Variants in BLNK observed in about 807,000 individuals in gnomAD.
BLNK encodes B-cell linker protein.
BLNK carries 29 observed loss-of-function variants against 73.5 expected under a neutral mutation model. That is an observed-to-expected ratio of 0.39 (90% CI 0.29 to 0.54). The LOEUF is 0.54. BLNK is among the 20% of genes least tolerant of loss of function. The pLI is 0.61. For synonymous variants in BLNK, 176 were observed against 200.8 expected (o/e 0.88, Z 1.04); for missense variants, 460 against 562.8 (o/e 0.82, Z 1.85).
Position 96,194,768 on chromosome 10 carries a change from A to ATT in BLNK, c.1251+2138_1251+2139dup, listed in dbSNP as rs71034364. Among the ~76,000 whole-genome samples, 474 of 110,270 alleles carry ATT rather than the reference A, an allele frequency of 4.3e-3. 11 individuals carry two copies. Among genetic ancestry groups the ATT allele is most frequent in the African/African-American group, 7.5e-3 (236 of 31,322 alleles). 72.3% of individuals were successfully genotyped at this position (110,270 alleles called of 152,430 possible). On this transcript the variant is annotated intron_variant, in intron 16 of 16. Coordinates refer to ENST00000224337, the MANE Select transcript of BLNK (RefSeq NM_013314.4). ...ATCACTAATCATCAGAGAAATGCAA[A>ATT]TTTTTTTTTTTTTTTTTTTTGAGAC...
chr10:96,233,091 C>T (rs1554904384), intron 3 of BLNK, among the ~76,000 whole-genome samples: 1 of 152,210 alleles, frequency 6.6e-6, no homozygotes, highest in Non-Finnish European at 1.5e-5. Context: ...CAGGCATAAG[C>T]CACTGCATCT....
At chr10:96,194,932 G>T (rs986655990) in intron 16 of BLNK, among the ~76,000 whole-genome samples, 4 of 151,074 alleles carry the variant, frequency 2.6e-5, no homozygotes, top group African/African-American at 9.7e-5. Context: ...CACCATGCCC[G>T]GCTAATTTTT....
At chr10:96,245,351 A>G (rs1167528823) in intron 2 of BLNK, among the ~76,000 whole-genome samples, 2 of 152,232 alleles carry the variant, frequency 1.3e-5, no homozygotes, top group African/African-American at 4.8e-5. Flanking sequence ...ATAGCAATTA[A>G]AACTTTAAGG....
chr10:96,227,634 C>T, intron 4 of BLNK, 68 bp from the exon 5 acceptor site: 2 of 1,608,028 alleles, frequency 1.2e-6, no homozygotes, highest in Non-Finnish European at 1.7e-6. Context: ...CAGGACCATT[C>T]CTGCCTTGGG....
chr10:96,221,261 C>G (rs781927880), intron 6 of BLNK, among the ~76,000 whole-genome samples: 2 of 152,186 alleles, frequency 1.3e-5, no homozygotes, highest in African/African-American at 2.4e-5. Context: ...AAGTGTTAGC[C>G]TCTCTCATTA....
intron 8 of BLNK, among the ~76,000 whole-genome samples, chr10:96,211,850 C>T (rs2083956131): frequency 6.6e-6 from 1 of 152,176 alleles, no homozygotes; most frequent in Non-Finnish European, 1.5e-5. Flanking sequence ...TTAAGACTGA[C>T]ACTGTTAAAG....
chr10:96,200,050 T>C lies in BLNK; in HGVS notation c.1095+25A>G. 1 of 1,382,086 alleles carries C rather than the reference T, an allele frequency of 7.2e-7. No individual in the cohort carries two copies. Among genetic ancestry groups the C allele is most frequent in the East Asian group, 2.7e-5 (1 of 37,282 alleles). The allele number at this position is 1,382,086 out of a possible 1,614,324, so 85.6% of individuals were successfully genotyped here. ...TAAATAAAATAAAATAAAATAAAAATAATAAATAATAAAAATGATCAGACC... is the reference window on the plus strand; with the variant it reads ...TAAATAAAATAAAATAAAATAAAAACAATAAATAATAAAAATGATCAGACC... On this transcript the variant is annotated intron_variant, in intron 15 of 16. Coordinates refer to ENST00000224337, the MANE Select transcript of BLNK (RefSeq NM_013314.4). This position sits in a 1 kb window ranked among gnomAD's most constrained non-coding sequence, Gnocchi z 4.3.
chr10:96,203,500 T>C (rs1275247377), intron 13 of BLNK: 2 of 152,212 alleles, frequency 1.3e-5, no homozygotes, highest in African/African-American at 4.8e-5. Context: ...TTTTCCCACA[T>C]TGAGTTGCAG....
intron 7 of BLNK, 119 bp from the exon 8 acceptor site, chr10:96,215,508 G>T: frequency 3.4e-6 from 3 of 892,440 alleles, no homozygotes; most frequent in Non-Finnish European, 5.1e-6. Context: ...CAGAGAATTT[G>T]CAAAGAATGG....
chr10:96,244,931 C>G (rs1301094024), intron 2 of BLNK, among the ~76,000 whole-genome samples: 2 of 152,198 alleles, frequency 1.3e-5, no homozygotes, highest in East Asian at 1.9e-4. Context: ...ACATTTTATG[C>G]AGAGGCTTCA....
chr10:96,199,030 G>A (rs938024894), intron 15 of BLNK, among the ~76,000 whole-genome samples: 2 of 152,182 alleles, frequency 1.3e-5, no homozygotes, highest in African/African-American at 4.8e-5. Flanking sequence ...AAGGAACTCA[G>A]GGAATAATGT....
intron 12 of BLNK, 127 bp from the exon 13 acceptor site, chr10:96,204,215 T>C: frequency 9.4e-7 from 1 of 1,061,662 alleles, no homozygotes; most frequent in Non-Finnish European, 1.4e-6. Context: ...GCCAATAAAA[T>C]GTATCTAAAG....
intron 1 of BLNK, among the ~76,000 whole-genome samples, chr10:96,266,363 G>A (rs183958725): frequency 1.8e-4 from 27 of 152,338 alleles, no homozygotes; most frequent in Non-Finnish European, 3.1e-4. Flanking sequence ...GAAGAGGAAG[G>A]TGTTGTTCAG....
At position 96,191,939 on chromosome 10, in the gene BLNK, C is replaced by T; in HGVS notation, c.*34G>A. On this transcript the variant is annotated 3_prime_UTR_variant, in exon 17 of 17. Coordinates refer to ENST00000224337, the MANE Select transcript of BLNK (RefSeq NM_013314.4). Reference sequence around the variant, plus strand: ...AAAAGGAGAAACTTTGGGAAAGTGTCTGAAGCAATGGTATTGATCTTTTTT... The same window carrying T: ...AAAAGGAGAAACTTTGGGAAAGTGTTTGAAGCAATGGTATTGATCTTTTTT... 1 of 1,612,818 alleles carries T rather than the reference C, an allele frequency of 6.2e-7. No homozygotes were observed. The highest frequency in any genetic ancestry group is 8.5e-7 in the Non-Finnish European group (1 of 1,179,228).
Position 96,200,273 on chromosome 10 carries a change from A to T in BLNK, c.1012-115T>A. 1.5e-6 allele frequency: 1 copy of T among 686,640 alleles called. No individual in the cohort carries two copies. The highest frequency in any genetic ancestry group is 2.5e-6 in the Non-Finnish European group (1 of 394,524). The allele number at this position is 686,640 out of a possible 1,614,324, so 42.5% of individuals were successfully genotyped here. A position where few individuals can be genotyped will look rare whatever the true frequency, so the allele number is the denominator to read the frequency against. On this transcript the variant is annotated intron_variant, in intron 14 of 16. Coordinates refer to ENST00000224337, the MANE Select transcript of BLNK (RefSeq NM_013314.4). This position sits in a 1 kb window ranked among gnomAD's most constrained non-coding sequence, Gnocchi z 4.3. ...CAAGACAGGCCTCTACATTTACACC[A>T]ATAATTTTAAGATGAGTTTTATTTT...
intron 1 of BLNK, 38 bp downstream of exon 1, chr10:96,271,314 A>G (rs1554915659): frequency 3.7e-6 from 6 of 1,605,188 alleles, no homozygotes; most frequent in Non-Finnish European, 5.1e-6. Context: ...GGGGAAAAAA[A>G]GGAGATGAAG....
intron 3 of BLNK, chr10:96,239,252 C>T (rs962734421): frequency 8.5e-5 from 34 of 398,226 alleles, no homozygotes; most frequent in Non-Finnish European, 1.3e-4. Context: ...GAGAGGCTCA[C>T]TTTATCACTG....
At chr10:96,211,313 T>C (rs1166276110) in intron 8 of BLNK, among the ~76,000 whole-genome samples, 1 of 152,166 alleles carries the variant, frequency 6.6e-6, no homozygotes, top group Non-Finnish European at 1.5e-5. Flanking sequence ...GAGGACTTGG[T>C]ACATGTAAAG....
chr10:96,236,193 C>T (rs879956780), intron 3 of BLNK, among the ~76,000 whole-genome samples: 7 of 152,116 alleles, frequency 4.6e-5, no homozygotes, highest in Admixed American at 3.9e-4. Context: ...CATTCTGCCT[C>T]AGCTGCAGCC....
Sources: gnomAD v4.1 joint callset for allele counts (sites outside exome capture counted in the v4.1 genomes callset) on GRCh38, gnomAD v4.1.1 for gene constraint, Gnocchi (gnomAD v3.1) non-coding constraint, MANE v1.5 for transcripts, NCBI Gene and HGNC (gene_info 2026-07-23, HGNC 2026-07-21) for gene names.